DNAH8: variants seen among roughly 807,000 people sequenced by gnomAD.
DNAH8 encodes dynein axonemal heavy chain 8, also known as axonemal beta dynein heavy chain 8.
A neutral mutation model predicts 562.1 loss-of-function variants in DNAH8; 382 were observed. The observed-to-expected ratio is 0.68, with a 90% confidence interval of 0.63 to 0.74. DNAH8 has a LOEUF of 0.74. Ranked by LOEUF, DNAH8 falls within the 30% of genes least tolerant of loss-of-function variation. DNAH8 has a pLI of 0.00. For missense variants in DNAH8, 5,203 were observed against 5,620.4 expected, an observed-to-expected ratio of 0.93 and a Z score of 2.37; for synonymous variants, 1,881 against 1,919.4, an observed-to-expected ratio of 0.98 and a Z score of 0.52.
intron 66 of DNAH8, among the ~76,000 whole-genome samples, chr6:38,911,787 A>T (rs1229110527): frequency 6.6e-6 from 1 of 152,132 alleles, no homozygotes. Context: ...GAAGTGGCCT[A>T]TTTTCTCTGC....
At chr6:38,770,688 T>C (rs1767481233) in intron 12 of DNAH8, 129 bp downstream of exon 12, 1 of 862,834 alleles carries the variant, frequency 1.2e-6, no homozygotes. Context: ...TTGTCTAATA[T>C]TACTTATAGG....
chr6:38,890,406 A>G (rs1249008848), intron 57 of DNAH8, among the ~76,000 whole-genome samples: 1 of 152,066 alleles, frequency 6.6e-6, no homozygotes, highest in Non-Finnish European at 1.5e-5. Context: ...AATAATACCT[A>G]CCTTGTATTT....
chr6:38,803,154 T>C, intron 21 of DNAH8, 25 bp from the exon 22 acceptor site: 1 of 1,527,372 alleles, frequency 6.5e-7, no homozygotes, highest in South Asian at 1.3e-5. Context: ...ATCTGGAAAA[T>C]AATAGTCATT....
intron 3 of DNAH8, among the ~76,000 whole-genome samples, chr6:38,729,203 A>G (rs1763468122): frequency 6.7e-6 from 1 of 150,220 alleles, no homozygotes; most frequent in South Asian, 2.1e-4. Context: ...ACTCCGTCTC[A>G]AAACAAACAA....
At chr6:38,760,460 C>CTTT (rs11391110) in intron 10 of DNAH8, among the ~76,000 whole-genome samples, 1 of 148,732 alleles carries the variant, frequency 6.7e-6, no homozygotes, top group Admixed American at 6.7e-5. Flanking sequence ...AAATCTCAAA[C>CTTT]TTTTTTTTTT....
chr6:38,804,630 G>A (rs951704232), intron 22 of DNAH8, among the ~76,000 whole-genome samples: 5 of 152,128 alleles, frequency 3.3e-5, no homozygotes, highest in Non-Finnish European at 5.9e-5. Context: ...AGATGGCACT[G>A]CCTTACAGGG....
At chr6:38,999,459 G>A (rs966497045) in intron 88 of DNAH8, among the ~76,000 whole-genome samples, 7 of 151,554 alleles carry the variant, frequency 4.6e-5, no homozygotes, top group Admixed American at 4.6e-4. Context: ...TTCTTAGCAT[G>A]AATGGAAATT....
intron 83 of DNAH8, 172 bp downstream of exon 83, chr6:38,971,837 C>T: frequency 2.1e-6 from 1 of 476,220 alleles, no homozygotes; most frequent in South Asian, 5.2e-5. Flanking sequence ...GCATGGAAAG[C>T]TTATTCCATT....
At chr6:38,806,722 AGT>A (rs955482109) in intron 23 of DNAH8, among the ~76,000 whole-genome samples, 4 of 152,112 alleles carry the variant, frequency 2.6e-5, no homozygotes, top group Admixed American at 2.6e-4. Flanking sequence ...CAGAGCTTGC[AGT>A]GAGCCGAGAT....
chr6:38,969,180 A>G (rs9462468), intron 82 of DNAH8, among the ~76,000 whole-genome samples: 20,942 of 152,162 alleles, frequency 0.14, 1,587 homozygotes, highest in African/African-American at 0.2. Flanking sequence ...CTGGAATTAG[A>G]TGATTTGATA....
intron 30 of DNAH8, among the ~76,000 whole-genome samples, chr6:38,831,429 TCA>T (rs1491514917): frequency 2.8e-5 from 1 of 35,854 alleles, no homozygotes; most frequent in Non-Finnish European, 5.2e-5. Context: ...AGACACCATC[TCA>T]AAAAAAAAAA....
chr6:38,727,765 T>C (rs896353043), intron 3 of DNAH8, among the ~76,000 whole-genome samples: 3 of 152,214 alleles, frequency 2.0e-5, no homozygotes, highest in Non-Finnish European at 4.4e-5. Context: ...TTCTGCAACA[T>C]TGGCACTTTT....
chr6:38,944,636 T>A (rs1278932089), intron 79 of DNAH8, among the ~76,000 whole-genome samples: 1 of 152,252 alleles, frequency 6.6e-6, no homozygotes, highest in Non-Finnish European at 1.5e-5. Context: ...TGGAAAATGC[T>A]GGGTATGCCC....
At chr6:38,930,248 G>T (rs1782453315) in intron 75 of DNAH8, among the ~76,000 whole-genome samples, 1 of 152,040 alleles carries the variant, frequency 6.6e-6, no homozygotes, top group Non-Finnish European at 1.5e-5. Context: ...TCAATTGTTG[G>T]TGATGAATTA....
intron 9 of DNAH8, among the ~76,000 whole-genome samples, chr6:38,752,566 A>G (rs538718493): frequency 6.6e-6 from 1 of 152,368 alleles, no homozygotes; most frequent in Non-Finnish European, 1.5e-5. Context: ...AGCACTGGCC[A>G]CATGGTTTTG....
chr6:38,770,049 C>T (rs374018517), intron 11 of DNAH8, among the ~76,000 whole-genome samples: 1 of 152,200 alleles, frequency 6.6e-6, no homozygotes, highest in African/African-American at 2.4e-5. Flanking sequence ...ATGATAGCTT[C>T]GTATGACAGA....
At position 38,734,596 on chromosome 6, in the gene DNAH8, G is replaced by T. The variant is rs1763939074; in HGVS notation, c.733G>T (p.Val245Phe). The T allele has an allele frequency of 6.2e-7, 1 of 1,613,294 alleles. No homozygotes were observed. Residue 245 changes from valine to phenylalanine, a missense_variant, in exon 5 of 93, where the codon GTT becomes TTT. Val to Phe is a conservative substitution (Grantham distance 50, BLOSUM62 -1). This residue lies in a region of DNAH8 where 556 missense variants were observed against 496.9 expected (regional missense o/e 1.12). Coordinates refer to ENST00000327475, the MANE Select transcript of DNAH8 (RefSeq NM_001206927.2). ...ATTTTTTGTTCGTTGCCGTAATGAT[G>T]TTGCTATAAATGTTAAAACTATTCA... ...CIFFVRCRNDVAINVKTIQEE... is the reference protein window; with the variant it reads ...CIFFVRCRNDFAINVKTIQEE...
In DNAH8 at chr6:38,983,570, A is replaced by T. The variant is rs146699604; in HGVS notation, c.12952-636A>T. Among the ~76,000 whole-genome samples the T allele has an allele frequency of 3.9e-3, 594 of 152,368 alleles. 12 individuals are homozygous for T. Among genetic ancestry groups the T allele is most frequent in the Admixed American group, 0.03 (454 of 15,308 alleles). ...CTGAAAAATAAAATTTTAACCAAGA[A>T]AAAGTAAACAAAAAGCAAATATCCT... On this transcript the variant is annotated intron_variant, in intron 86 of 92. Transcript: ENST00000327475.
intron 85 of DNAH8, among the ~76,000 whole-genome samples, chr6:38,978,627 T>C (rs1268519892): frequency 6.6e-6 from 1 of 152,212 alleles, no homozygotes; most frequent in Non-Finnish European, 1.5e-5. Context: ...GTATATTAGC[T>C]CCAGTTATTG....
Sources: allele counts gnomAD v4.1 joint callset (sites outside exome capture counted in the v4.1 genomes callset), GRCh38; gene constraint gnomAD v4.1.1; regional missense constraint gnomAD v4.1.1; transcripts MANE v1.5; gene names NCBI Gene and HGNC (gene_info 2026-07-23, HGNC 2026-07-21).